ATXN7: variants seen among roughly 807,000 people sequenced by gnomAD.
The protein encoded by ATXN7 is ataxin 7.
In ATXN7, 12 loss-of-function variants were observed where a neutral mutation model predicts 70.5. The ratio of observed to expected loss-of-function variants is 0.17; its 90% CI spans 0.11 to 0.28. The LOEUF (loss-of-function observed/expected upper bound fraction) is 0.28, where lower values mean the gene tolerates loss of function less well. Among genes scored for constraint, ATXN7 ranks in the 10% least tolerant of loss-of-function variants. ATXN7 has a pLI of 1.00. For missense variants in ATXN7, 1,256 were observed against 1,131.7 expected (o/e 1.11, Z -1.58); for synonymous variants, 498 against 448.7 (o/e 1.11, Z -1.39).
intron 1 of ATXN7, among the ~76,000 whole-genome samples, chr3:63,879,035 G>A (rs1420082583): frequency 6.6e-6 from 1 of 152,140 alleles, no homozygotes; most frequent in African/African-American, 2.4e-5. Flanking sequence ...GTTGGTCTGG[G>A]GGTGGAAAGT....
intron 5 of ATXN7, among the ~76,000 whole-genome samples, chr3:63,976,294 T>TG (rs2075387278): frequency 6.6e-6 from 1 of 152,160 alleles, no homozygotes; most frequent in Admixed American, 6.5e-5. Context: ...TGCTTTCTTG[T>TG]GGGGGGAAAG....
At chr3:63,915,266 C>G (rs1329744849) in intron 4 of ATXN7, among the ~76,000 whole-genome samples, 3 of 152,134 alleles carry the variant, frequency 2.0e-5, no homozygotes, top group Non-Finnish European at 4.4e-5. Flanking sequence ...CCCCTCCTCC[C>G]CCTTTTAAAG....
chr3:63,925,020 A>G (rs977685843), intron 4 of ATXN7, among the ~76,000 whole-genome samples: 1 of 152,144 alleles, frequency 6.6e-6, no homozygotes, highest in Non-Finnish European at 1.5e-5. Context: ...GAAAAAGGAG[A>G]TGCAACTCAG....
At position 63,996,156 on chromosome 3, in the gene ATXN7, C is replaced by T. The variant is rs1206518740; in HGVS notation, c.2334C>T (p.Gly778=). 1 of 1,613,858 alleles carries T rather than the reference C, an allele frequency of 6.2e-7. No homozygotes were observed. Among genetic ancestry groups the T allele is most frequent in the Non-Finnish European group, 8.5e-7 (1 of 1,179,882 alleles). Residue 778 remains glycine, a synonymous_variant, in exon 12 of 13, where the codon GGC becomes GGT. Coordinates refer to ENST00000674280, the MANE Select transcript of ATXN7 (RefSeq NM_001377405.1). ...VNVRHDQSGR[G]PPTGSPAESI... is the part of the protein sequence containing the mutation. ...TCCGGCATGACCAGTCAGGGAGGGGCCCCCCCACCGGGAGCCCTGCTGAAT... is the reference window on the plus strand; with the variant it reads ...TCCGGCATGACCAGTCAGGGAGGGGTCCCCCCACCGGGAGCCCTGCTGAAT...
chr3:63,962,736 G>A (rs1355449615), intron 5 of ATXN7, among the ~76,000 whole-genome samples: 1 of 151,968 alleles, frequency 6.6e-6, no homozygotes, highest in African/African-American at 2.4e-5. Flanking sequence ...TTTGTAGTGA[G>A]CTTTAGAGAG....
At chr3:63,899,106 A>C (rs763306308) in intron 2 of ATXN7, among the ~76,000 whole-genome samples, 2 of 150,298 alleles carry the variant, frequency 1.3e-5, no homozygotes, top group African/African-American at 2.4e-5. Context: ...TCTGTTACCC[A>C]GGCTGGAGTG....
intron 4 of ATXN7, among the ~76,000 whole-genome samples, chr3:63,932,516 T>G (rs952414058): frequency 7.2e-5 from 11 of 152,186 alleles, no homozygotes; most frequent in African/African-American, 2.4e-4. Context: ...TCTCATATAA[T>G]AGGGTCTTGT....
chr3:63,974,053 A>G (rs1031801786), intron 5 of ATXN7, among the ~76,000 whole-genome samples: 2 of 152,068 alleles, frequency 1.3e-5, no homozygotes, highest in African/African-American at 4.8e-5. Flanking sequence ...CAGGCTTTAA[A>G]CTGTCTTCGA....
At chr3:63,988,997 C>T (rs1421712560) in intron 9 of ATXN7, among the ~76,000 whole-genome samples, 1 of 152,132 alleles carries the variant, frequency 6.6e-6, no homozygotes, top group Non-Finnish European at 1.5e-5. Flanking sequence ...GTTGGCCGTT[C>T]ATTTATTGGG....
chr3:63,867,631 G>A (rs1301762020), intron 1 of ATXN7, among the ~76,000 whole-genome samples: 1 of 149,878 alleles, frequency 6.7e-6, no homozygotes, highest in African/African-American at 2.5e-5. Context: ...AGGCCAAGGC[G>A]GGTGGATCAT....
intron 1 of ATXN7, among the ~76,000 whole-genome samples, chr3:63,880,803 A>G (rs527390534): frequency 6.6e-6 from 1 of 152,046 alleles, no homozygotes; most frequent in East Asian, 1.9e-4. Context: ...CATTCAAAGC[A>G]CTCTTTCAAT....
intron 1 of ATXN7, among the ~76,000 whole-genome samples, chr3:63,879,857 G>C (rs1057238044): frequency 7.9e-5 from 12 of 151,996 alleles, no homozygotes; most frequent in African/African-American, 2.9e-4. Flanking sequence ...GCCGAGGCAG[G>C]TGGATCACGA....
intron 4 of ATXN7, among the ~76,000 whole-genome samples, chr3:63,946,849 G>A (rs1343953815): frequency 6.6e-6 from 1 of 151,996 alleles, no homozygotes; most frequent in East Asian, 1.9e-4. Flanking sequence ...TGGTATTATT[G>A]CTTTACAAGT....
intron 9 of ATXN7, 70 bp downstream of exon 9, chr3:63,988,394 TA>T: frequency 6.3e-7 from 1 of 1,580,016 alleles, no homozygotes; most frequent in South Asian, 1.1e-5. Context: ...AAAATTTCAG[TA>T]TGGTCATGCT....
At chr3:63,981,270 T>C (rs2075482537) in intron 6 of ATXN7, among the ~76,000 whole-genome samples, 1 of 152,216 alleles carries the variant, frequency 6.6e-6, no homozygotes, top group South Asian at 2.1e-4. Flanking sequence ...CCAGCCCCTG[T>C]TCTTCTGTCA....
intron 4 of ATXN7, among the ~76,000 whole-genome samples, chr3:63,915,569 C>G (rs1457650164): frequency 6.6e-6 from 1 of 152,054 alleles, no homozygotes; most frequent in East Asian, 1.9e-4. Flanking sequence ...TATCAGCTAC[C>G]AAGAAAAGAT....
chr3:63,915,157 A>T (rs1412748443), intron 4 of ATXN7, among the ~76,000 whole-genome samples: 1 of 152,138 alleles, frequency 6.6e-6, no homozygotes, highest in African/African-American at 2.4e-5. Flanking sequence ...CGATGGTCTC[A>T]ATCTCCTAAC....
At chr3:63,955,005 G>A (rs539739619) in intron 5 of ATXN7, among the ~76,000 whole-genome samples, 83 of 152,186 alleles carry the variant, frequency 5.5e-4, no homozygotes, top group African/African-American at 1.8e-3. Flanking sequence ...CACCAAGCCC[G>A]GCCAGGAAAA....
intron 2 of ATXN7, chr3:63,900,436 C>T (rs1703594654): frequency 6.6e-6 from 1 of 152,228 alleles, no homozygotes; most frequent in South Asian, 2.1e-4. Flanking sequence ...ATGAAGTCTC[C>T]ACCTTAAAAA....
Sources: gnomAD v4.1 joint callset for allele counts (sites outside exome capture counted in the v4.1 genomes callset) on GRCh38, gnomAD v4.1.1 for gene constraint, MANE v1.5 for transcripts, NCBI Gene and HGNC (gene_info 2026-07-23, HGNC 2026-07-21) for gene names.